The following HDAC11 variants were observed in gnomAD, a reference collection of about 807,000 sequenced individuals.
The protein encoded by HDAC11 is histone deacetylase 11.
HDAC11 carries 23 observed loss-of-function variants against 41.1 expected under a neutral mutation model. That is an observed-to-expected ratio of 0.56 (90% CI 0.40 to 0.79). The LOEUF (loss-of-function observed/expected upper bound fraction) is 0.79, where lower values mean the gene tolerates loss of function less well. Among genes scored for constraint, HDAC11 ranks in the 30% least tolerant of loss-of-function variants. The pLI, the probability that HDAC11 is intolerant of heterozygous loss-of-function variation, is 0.00. For missense variants in HDAC11, 402 were observed against 477.3 expected (o/e 0.84, Z 1.47); for synonymous variants, 187 against 186.6 (o/e 1.00, Z -0.02).
chr3:13,490,411 ATTGAGTAAATTGCT>A (rs2125003888), intron 3 of HDAC11, among the ~76,000 whole-genome samples: 1 of 152,310 alleles, frequency 6.6e-6, no homozygotes, highest in South Asian at 2.1e-4. Flanking sequence ...CAGGAATTGC[ATTGAGTAAATTGCT>A]TTGGGGAGTT....
chr3:13,480,909 C>A lies in HDAC11; in HGVS notation c.3-337C>A. 1 of 432,402 alleles carries A rather than the reference C, an allele frequency of 2.3e-6. No homozygotes were observed. The highest frequency in any genetic ancestry group is 2.1e-5 in the South Asian group (1 of 47,114). The allele number at this position is 432,402 out of a possible 1,614,324, so 26.8% of individuals were successfully genotyped here. Reference sequence around the variant, plus strand: ...AGCTGTGGGGGCATTTATTACGGTGCAGAGGTGATGCGCGGAGGCCTTGCA... The same window carrying A: ...AGCTGTGGGGGCATTTATTACGGTGAAGAGGTGATGCGCGGAGGCCTTGCA... On this transcript the variant is annotated intron_variant, in intron 1 of 9. Coordinates refer to ENST00000295757, the MANE Select transcript of HDAC11 (RefSeq NM_024827.4). The surrounding 1 kb of genome is among the most constrained non-coding windows in gnomAD (Gnocchi z 4.6).
intron 3 of HDAC11, among the ~76,000 whole-genome samples, chr3:13,493,477 G>T (rs941479331): frequency 6.6e-6 from 1 of 152,252 alleles, no homozygotes; most frequent in African/African-American, 2.4e-5. Flanking sequence ...CAGTCCAGTC[G>T]CCACTGGCCG....
chr3:13,484,160 C>T (rs968989979), intron 3 of HDAC11, among the ~76,000 whole-genome samples: 1 of 152,128 alleles, frequency 6.6e-6, no homozygotes, highest in Non-Finnish European at 1.5e-5. Flanking sequence ...GATGTGGTTT[C>T]GCCGTGTTGG....
chr3:13,483,688 C>G, intron 3 of HDAC11, 124 bp downstream of exon 3: 1 of 710,514 alleles, frequency 1.4e-6, no homozygotes. Flanking sequence ...CATTCATGTC[C>G]CTAGTGTTGG....
At chr3:13,489,951 T>A (rs1701769725) in intron 3 of HDAC11, among the ~76,000 whole-genome samples, 2 of 152,156 alleles carry the variant, frequency 1.3e-5, no homozygotes, top group Non-Finnish European at 2.9e-5. Flanking sequence ...TATTGTGGCT[T>A]TGGAGCAAAT....
intron 3 of HDAC11, among the ~76,000 whole-genome samples, chr3:13,495,141 C>T (rs1398272977): frequency 6.6e-6 from 1 of 152,106 alleles, no homozygotes; most frequent in Admixed American, 6.5e-5. Context: ...TTCCAGCCAC[C>T]CTCTCTCCAC....
chr3:13,500,676 C>G (rs982467901), intron 5 of HDAC11, 37 bp from the exon 6 acceptor site: 7 of 1,539,254 alleles, frequency 4.5e-6, no homozygotes, highest in Non-Finnish European at 6.2e-6. Context: ...GCCTGGGAGC[C>G]TGGCTCTGAG....
intron 3 of HDAC11, among the ~76,000 whole-genome samples, chr3:13,486,371 C>G (rs774501861): frequency 3.3e-5 from 5 of 151,318 alleles, no homozygotes; most frequent in Admixed American, 6.6e-5. Context: ...CAGCAGGGCT[C>G]TCTGCCACCA....
intron 4 of HDAC11, among the ~76,000 whole-genome samples, chr3:13,498,186 T>G (rs1266926494): frequency 6.6e-6 from 1 of 152,208 alleles, no homozygotes; most frequent in African/African-American, 2.4e-5. Flanking sequence ...AGCAAAACTT[T>G]GCCTATTTTC....
At chr3:13,493,494 G>T (rs918393955) in intron 3 of HDAC11, among the ~76,000 whole-genome samples, 2 of 152,230 alleles carry the variant, frequency 1.3e-5, no homozygotes, top group Non-Finnish European at 2.9e-5. Context: ...GCCGCATGTG[G>T]CTCTTGAAAT....
At position 13,497,185 on chromosome 3, in the gene HDAC11, C is replaced by CT. The variant is rs796174587; in HGVS notation, c.369+345dup. On this transcript the variant is annotated intron_variant, in intron 4 of 9. Transcript: ENST00000295757. ...TCACCAGTTTTTTCTTTCTTTCTTT[C>CT]TTTTTTTTTTTTGAGTAGAGTCTCG... is the stretch of plus-strand genomic sequence containing the variant. Among the ~76,000 whole-genome samples, 702 of 145,784 alleles carry CT rather than the reference C, an allele frequency of 4.8e-3. 5 individuals carry two copies. Among genetic ancestry groups the CT allele is most frequent in the African/African-American group, 0.013 (502 of 39,958 alleles).
intron 3 of HDAC11, 91 bp downstream of exon 3, chr3:13,483,655 G>T: frequency 1.0e-6 from 1 of 972,082 alleles, no homozygotes; most frequent in South Asian, 1.3e-5. Context: ...TCAGCCTGGG[G>T]AAGCCAAGTC....
intron 3 of HDAC11, among the ~76,000 whole-genome samples, chr3:13,487,545 G>A (rs1559372563): frequency 6.6e-6 from 1 of 150,828 alleles, no homozygotes; most frequent in Non-Finnish European, 1.5e-5. Context: ...AAGGTCCAGG[G>A]TTGGCCCCTC....
chr3:13,493,128 TC>T (rs1701940193), intron 3 of HDAC11, among the ~76,000 whole-genome samples: 1 of 152,124 alleles, frequency 6.6e-6, no homozygotes, highest in African/African-American at 2.4e-5. Context: ...ATGCTGCATG[TC>T]CCAGAGAAGG....
At chr3:13,497,854 CT>C (rs10667297) in intron 4 of HDAC11, among the ~76,000 whole-genome samples, 72 of 106,084 alleles carry the variant, frequency 6.8e-4, no homozygotes, top group African/African-American at 1.9e-3. Flanking sequence ...TCTTTTTTTG[CT>C]TTTTTTTTTT....
At chr3:13,483,026 C>A (rs1484040507) in intron 2 of HDAC11, among the ~76,000 whole-genome samples, 1 of 149,234 alleles carries the variant, frequency 6.7e-6, no homozygotes, top group Non-Finnish European at 1.5e-5. Flanking sequence ...GCTGGGATTA[C>A]AGGCGTGAAC....
chr3:13,483,654 G>A (rs1367977878), intron 3 of HDAC11, 90 bp downstream of exon 3: 19 of 979,926 alleles, frequency 1.9e-5, no homozygotes, highest in Non-Finnish European at 2.4e-5. Flanking sequence ...CTCAGCCTGG[G>A]GAAGCCAAGT....
chr3:13,506,280 A>G lies in HDAC11; in HGVS notation c.*1597A>G, dbSNP rs1281668396. The stretch of plus-strand genomic sequence containing the variant: ...GTTCCTAGAGAATCCTAGAGGCTTG[A>G]TTGGCCCAGGCTGCTGTGTGTGCTG... On this transcript the variant is annotated 3_prime_UTR_variant, in exon 10 of 10. Transcript: ENST00000295757. 1 of 152,180 alleles carries G rather than the reference A, an allele frequency of 6.6e-6. No homozygotes were observed. Among genetic ancestry groups the G allele is most frequent in the Non-Finnish European group, 1.5e-5 (1 of 68,036 alleles). The allele number at this position is 152,180 out of a possible 1,614,324, so 9.4% of individuals were successfully genotyped here. A position where few individuals can be genotyped will look rare whatever the true frequency, so the allele number is the denominator to read the frequency against.
Position 13,502,782 on chromosome 3 carries a change from T to A in HDAC11, c.553-102T>A. 1 of 818,296 alleles carries A rather than the reference T, an allele frequency of 1.2e-6. No homozygotes were observed. The highest frequency in any genetic ancestry group is 2.1e-6 in the Non-Finnish European group (1 of 486,940). The allele number at this position is 818,296 out of a possible 1,614,324, so 50.7% of individuals were successfully genotyped here. On this transcript the variant is annotated intron_variant, in intron 7 of 9. Coordinates refer to ENST00000295757, the MANE Select transcript of HDAC11 (RefSeq NM_024827.4). The surrounding 1 kb of genome is among the most constrained non-coding windows in gnomAD (Gnocchi z 4.1). ...TGCTGCCCCCGAGAGCAGGCCGTGCTGCCCTGGCAAATGGGGAGTTTCCTG... is the reference window on the plus strand; with the variant it reads ...TGCTGCCCCCGAGAGCAGGCCGTGCAGCCCTGGCAAATGGGGAGTTTCCTG...
Sources: gnomAD v4.1 joint callset for allele counts (sites outside exome capture counted in the v4.1 genomes callset) on GRCh38, gnomAD v4.1.1 for gene constraint, Gnocchi (gnomAD v3.1) non-coding constraint, MANE v1.5 for transcripts, NCBI Gene and HGNC (gene_info 2026-07-23, HGNC 2026-07-21) for gene names.